The following GRIP1 variants were observed in gnomAD, a reference collection of about 807,000 sequenced individuals.
GRIP1 encodes glutamate receptor-interacting protein 1.
Under a neutral mutation model 129.9 loss-of-function variants are expected in GRIP1, and 45 were observed. That is an observed-to-expected ratio of 0.35 (90% CI 0.27 to 0.44). The LOEUF (loss-of-function observed/expected upper bound fraction) is 0.44, where lower values mean the gene tolerates loss of function less well. GRIP1 is among the 20% of genes least tolerant of loss of function. The probability of loss-of-function intolerance (pLI) is 1.00; values close to 1 mark genes in which losing one functional copy is unlikely to be tolerated. For synonymous variants in GRIP1, 530 were observed against 520.8 expected, an observed-to-expected ratio of 1.02 and a Z score of -0.24; for missense variants, 1,196 against 1,396.8, an observed-to-expected ratio of 0.86 and a Z score of 2.29.
intron 5 of GRIP1, among the ~76,000 whole-genome samples, chr12:66,524,431 G>T (rs1365764373): frequency 6.6e-6 from 1 of 152,066 alleles, no homozygotes; most frequent in East Asian, 1.9e-4. Flanking sequence ...AATGACTACT[G>T]GGTACATAAC....
At chr12:66,795,389 T>C (rs1309050515) in intron 1 of GRIP1, among the ~76,000 whole-genome samples, 3 of 152,158 alleles carry the variant, frequency 2.0e-5, no homozygotes, top group Non-Finnish European at 4.4e-5. Context: ...AGAAGCACAA[T>C]GTGAAAACAT....
At chr12:66,925,527 G>A (rs2041281807) in intron 1 of GRIP1, among the ~76,000 whole-genome samples, 1 of 152,108 alleles carries the variant, frequency 6.6e-6, no homozygotes, top group Non-Finnish European at 1.5e-5. Context: ...TTGTCACTTA[G>A]TAAAGAAAAC....
chr12:66,954,191 TCTG>T (rs1036358067), intron 1 of GRIP1, among the ~76,000 whole-genome samples: 1 of 152,186 alleles, frequency 6.6e-6, no homozygotes, highest in African/African-American at 2.4e-5. Flanking sequence ...TCTCTTCCCT[TCTG>T]CTAATTCTTT....
upstream of GRIP1, among the ~76,000 whole-genome samples, chr12:66,807,790 C>T (rs73130860): frequency 0.14 from 21,515 of 151,848 alleles, 1,815 homozygotes; most frequent in African/African-American, 0.23. Flanking sequence ...TGCCGCTATG[C>T]TTCCTTTACA....
intron 1 of GRIP1, among the ~76,000 whole-genome samples, chr12:66,729,047 C>T (rs1326509825): frequency 7.9e-6 from 1 of 126,700 alleles, no homozygotes; most frequent in African/African-American, 3.1e-5. Context: ...AGACAAAATA[C>T]GTTAATTTTT....
chr12:66,965,231 C>A (rs2041978595), intron 1 of GRIP1, among the ~76,000 whole-genome samples: 1 of 152,044 alleles, frequency 6.6e-6, no homozygotes, highest in Admixed American at 6.6e-5. Flanking sequence ...CCATATCCTT[C>A]AATCAGTAAA....
chr12:66,997,893 C>A (rs886123884), intron 1 of GRIP1, among the ~76,000 whole-genome samples: 2 of 152,044 alleles, frequency 1.3e-5, no homozygotes, highest in Non-Finnish European at 2.9e-5. Flanking sequence ...AAAAGATATA[C>A]TAAAAGAAAA....
intron 1 of GRIP1, among the ~76,000 whole-genome samples, chr12:66,937,361 G>A (rs1302767181): frequency 2.6e-5 from 4 of 152,184 alleles, no homozygotes; most frequent in Non-Finnish European, 4.4e-5. Flanking sequence ...CCAGTAGAAC[G>A]TAAGCTCCAT....
At chr12:66,614,903 T>C (rs1329167677) in intron 1 of GRIP1, among the ~76,000 whole-genome samples, 1 of 152,200 alleles carries the variant, frequency 6.6e-6, no homozygotes, top group African/African-American at 2.4e-5. Context: ...TGCCTTGGCA[T>C]GACCAGCCTC....
At chr12:66,697,017 A>T (rs2035189639) in intron 1 of GRIP1, among the ~76,000 whole-genome samples, 1 of 152,162 alleles carries the variant, frequency 6.6e-6, no homozygotes, top group African/African-American at 2.4e-5. Context: ...ACTTCTGTAC[A>T]ACAGTGAAGT....
At chr12:66,834,936 AG>A (rs57338642) in intron 1 of GRIP1, among the ~76,000 whole-genome samples, 21,954 of 99,084 alleles carry the variant, frequency 0.22, 1,886 homozygotes, top group East Asian at 0.44. Context: ...TAAAAAAAAA[AG>A]GGGGGGGGGC....
intron 1 of GRIP1, among the ~76,000 whole-genome samples, chr12:67,007,686 CA>C (rs1397386724): frequency 6.6e-6 from 1 of 152,062 alleles, no homozygotes; most frequent in South Asian, 2.1e-4. Context: ...CACTTATTTC[CA>C]ATGCCATCCC....
intron 7 of GRIP1, among the ~76,000 whole-genome samples, chr12:66,475,088 C>T (rs1311199268): frequency 1.3e-5 from 2 of 152,124 alleles, no homozygotes; most frequent in Admixed American, 6.5e-5. Flanking sequence ...AAACCCATCT[C>T]ATGTGCAGAG....
intron 3 of GRIP1, among the ~76,000 whole-genome samples, chr12:66,539,983 C>T (rs1177693494): frequency 6.6e-6 from 1 of 152,168 alleles, no homozygotes; most frequent in Non-Finnish European, 1.5e-5. Flanking sequence ...TCTCCCAAAA[C>T]AGAAATAGCT....
At chr12:66,682,060 A>C (rs1011952173), upstream of GRIP1, among the ~76,000 whole-genome samples, 1 of 152,178 alleles carries the variant, frequency 6.6e-6, no homozygotes, top group African/African-American at 2.4e-5. Context: ...AAGAACAGGA[A>C]AGAACCATAG....
chr12:66,349,706 G>A (rs565582204), intron 24 of GRIP1, among the ~76,000 whole-genome samples: 1 of 152,292 alleles, frequency 6.6e-6, no homozygotes, highest in African/African-American at 2.4e-5. Flanking sequence ...GCTCCACCAG[G>A]TGCAGTGGCT....
At chr12:66,547,040 TA>T (rs2061969551) in intron 2 of GRIP1, among the ~76,000 whole-genome samples, 1 of 152,004 alleles carries the variant, frequency 6.6e-6, no homozygotes, top group Non-Finnish European at 1.5e-5. Context: ...GTATTTCAAA[TA>T]TACAAGCAAC....
intron 1 of GRIP1, among the ~76,000 whole-genome samples, chr12:66,676,750 C>T (rs1444230307): frequency 6.6e-6 from 1 of 152,096 alleles, no homozygotes; most frequent in African/African-American, 2.4e-5. Flanking sequence ...ATATCCACCC[C>T]TGTCCCCAAA....
At chr12:66,676,407 G>A (rs2034333692) in intron 1 of GRIP1, among the ~76,000 whole-genome samples, 1 of 152,090 alleles carries the variant, frequency 6.6e-6, no homozygotes, top group South Asian at 2.1e-4. Flanking sequence ...CAAATAGCAA[G>A]GTAGTTTTGG....
Sources: allele counts gnomAD v4.1 joint callset (sites outside exome capture counted in the v4.1 genomes callset), GRCh38; gene constraint gnomAD v4.1.1; transcripts MANE v1.5; gene names NCBI Gene and HGNC (gene_info 2026-07-23, HGNC 2026-07-21).